TCF7L2: variants seen among roughly 807,000 people sequenced by gnomAD.
The protein encoded by TCF7L2 is transcription factor 7-like 2.
A neutral mutation model predicts 77.9 loss-of-function variants in TCF7L2; 23 were observed. The observed-to-expected ratio is 0.30, with a 90% CI of 0.21 to 0.42. The LOEUF (loss-of-function observed/expected upper bound fraction) is 0.42. Among genes scored for constraint, TCF7L2 ranks in the 10% least tolerant of loss-of-function variants. The probability of loss-of-function intolerance (pLI) is 1.00; values close to 1 mark genes in which losing one functional copy is unlikely to be tolerated. For synonymous variants in TCF7L2, 413 were observed against 340.2 expected (o/e 1.21, Z -2.36); for missense variants, 654 against 793.1 (o/e 0.82, Z 2.11).
chr10:113,000,376 G>A (rs890933694), intron 4 of TCF7L2, among the ~76,000 whole-genome samples: 7 of 152,162 alleles, frequency 4.6e-5, no homozygotes, highest in African/African-American at 9.7e-5. Context: ...AAGAAAAGAC[G>A]AGACCTGCCT....
At position 112,951,530 on chromosome 10, in the gene TCF7L2, G is replaced by C. The variant is rs778420494; in HGVS notation, c.304G>C (p.Gly102Arg). 2.1e-6 allele frequency: 3 copies of C among 1,428,642 alleles called. No individual in the cohort carries two copies. Among genetic ancestry groups the C allele is most frequent in the Non-Finnish European group, 2.8e-6 (3 of 1,068,246 alleles). The allele number at this position is 1,428,642 out of a possible 1,614,324, so 88.5% of individuals were successfully genotyped here. ...GCTCTTTAAGGGGCCACCGTATCCC[G>C]GCTACCCCTTCATCATGATCCCCGA... Residue 102 changes from glycine to arginine, a missense_variant, in exon 3 of 14, where the codon GGC (glycine) becomes CGC (arginine). Gly to Arg is a moderately radical substitution (Grantham distance 125, BLOSUM62 -2). Around this residue, in one of 6 missense-constraint regions of TCF7L2, gnomAD observed 132 missense variants for 123.7 expected, o/e 1.07. Transcript: ENST00000627217.
rs1216878382 is a variant in TCF7L2, at chr10:113,165,882, A to G, written c.1719A>G (p.Ala573=). The G allele has an allele frequency of 1.2e-6, 2 of 1,602,630 alleles. No individual in the cohort carries two copies. The highest frequency in any genetic ancestry group is 1.7e-6 in the Non-Finnish European group (2 of 1,173,974). ...CTGCCGCCCCCTCCTCATCAATTGC[A>G]CAGCCGTCGACTTCTTCCTTACATT... The change falls in exon 14 of 14, where the codon GCA becomes GCG. Residue 573 remains alanine (A), a synonymous_variant. Coordinates refer to ENST00000627217, the MANE Select transcript of TCF7L2 (RefSeq NM_001146274.2).
intron 5 of TCF7L2, among the ~76,000 whole-genome samples, chr10:113,056,234 G>A (rs1418821193): frequency 6.6e-6 from 1 of 152,238 alleles, no homozygotes; most frequent in African/African-American, 2.4e-5. Context: ...TATGAAGTAA[G>A]TGGCAGAGCC....
At position 112,951,235 on chromosome 10, in the gene TCF7L2, A is replaced by G; in HGVS notation, c.218A>G (p.Glu73Gly). The change falls in exon 2 of 14, where the codon GAA becomes GGA. Residue 73 changes from glutamate to glycine, a missense_variant. By Grantham distance (98) the Glu-to-Gly change is moderately conservative. Coordinates refer to ENST00000627217, the MANE Select transcript of TCF7L2 (RefSeq NM_001146274.2). ...GAAAGACGGCCTCCGCCTCGCTCCG[A>G]AAGTTTCCGAGACAAATCCCGGGAA... The G allele has an allele frequency of 6.3e-7, 1 of 1,577,790 alleles. No individual in the cohort carries two copies. Among genetic ancestry groups the G allele is most frequent in the Non-Finnish European group, 8.6e-7 (1 of 1,165,288 alleles).
At chr10:113,026,528 G>C (rs994888970) in intron 4 of TCF7L2, among the ~76,000 whole-genome samples, 3 of 152,194 alleles carry the variant, frequency 2.0e-5, no homozygotes, top group Non-Finnish European at 4.4e-5. Context: ...TGGTGAATCA[G>C]GGAGTTAGGT....
intron 4 of TCF7L2, among the ~76,000 whole-genome samples, chr10:113,000,230 C>T (rs2044232961): frequency 6.6e-6 from 1 of 152,176 alleles, no homozygotes; most frequent in African/African-American, 2.4e-5. Context: ...TTTACTCCAT[C>T]TGTGATGGGT....
chr10:112,969,141 C>T (rs1338332611), intron 4 of TCF7L2, among the ~76,000 whole-genome samples: 2 of 152,112 alleles, frequency 1.3e-5, no homozygotes, highest in South Asian at 4.1e-4. Context: ...TATTTGGCTT[C>T]TTCCTCTCTC....
At chr10:113,106,324 G>A (rs1193996762) in intron 5 of TCF7L2, among the ~76,000 whole-genome samples, 1 of 152,218 alleles carries the variant, frequency 6.6e-6, no homozygotes, top group Admixed American at 6.5e-5. Context: ...ACTGCTGTAA[G>A]ATCAAGCAAT....
At chr10:113,086,767 A>AT (rs1228122586) in intron 5 of TCF7L2, among the ~76,000 whole-genome samples, 3 of 109,328 alleles carry the variant, frequency 2.7e-5, no homozygotes, top group Non-Finnish European at 5.4e-5. Context: ...AAAGGAAAAA[A>AT]AAAAAAAAAC....
rs147615928 is a variant in TCF7L2 at position 113,052,861 on chromosome 10, A to G, written c.552+12735A>G. Among the ~76,000 whole-genome samples, 296 of 152,354 alleles carry G rather than the reference A, an allele frequency of 1.9e-3. 3 individuals are homozygous for G. Among genetic ancestry groups the G allele is most frequent in the African/African-American group, 6.2e-3 (258 of 41,582 alleles). The stretch of plus-strand genomic sequence containing the variant: ...CTCCCACCTTTCTATTAGACATTGC[A>G]TGATACAAAAATCAAGATATTTCTA... On this transcript the variant is annotated intron_variant, in intron 5 of 13. Coordinates refer to ENST00000627217, the MANE Select transcript of TCF7L2 (RefSeq NM_001146274.2).
intron 5 of TCF7L2, among the ~76,000 whole-genome samples, chr10:113,122,398 A>C (rs2064950984): frequency 6.6e-6 from 1 of 152,252 alleles, no homozygotes; most frequent in Non-Finnish European, 1.5e-5. Flanking sequence ...GATGATTAAA[A>C]AACTTGTTAG....
chr10:113,061,147 G>A (rs1288861994), intron 5 of TCF7L2, among the ~76,000 whole-genome samples: 1 of 151,536 alleles, frequency 6.6e-6, no homozygotes, highest in Non-Finnish European at 1.5e-5. Flanking sequence ...TCACCCCCCC[G>A]ACAAAAATCA....
At chr10:113,080,254 C>A (rs1302768561) in intron 5 of TCF7L2, among the ~76,000 whole-genome samples, 1 of 151,848 alleles carries the variant, frequency 6.6e-6, no homozygotes, top group Non-Finnish European at 1.5e-5. Context: ...ACCCCTTATG[C>A]CATGAAAACT....
At chr10:113,155,990 C>A (rs948418560) in intron 11 of TCF7L2, among the ~76,000 whole-genome samples, 2 of 152,254 alleles carry the variant, frequency 1.3e-5, no homozygotes, top group Non-Finnish European at 2.9e-5. Flanking sequence ...CCCTTCCCCT[C>A]ACAGAAAAGA....
At chr10:113,163,086 G>A (rs372219831) in intron 13 of TCF7L2, among the ~76,000 whole-genome samples, 4 of 151,716 alleles carry the variant, frequency 2.6e-5, no homozygotes, top group South Asian at 2.1e-4. Context: ...ATGTGTGTGC[G>A]TGCCAGCTGC....
At position 113,151,940 on chromosome 10, in the gene TCF7L2, G is replaced by A. The variant is rs887009514; in HGVS notation, c.1161+56G>A. On this transcript the variant is annotated intron_variant, in intron 10 of 13. Coordinates refer to ENST00000627217, the MANE Select transcript of TCF7L2 (RefSeq NM_001146274.2). The surrounding 1 kb of genome is among the most constrained non-coding windows in gnomAD (Gnocchi z 5.2). Reference sequence around the variant, plus strand: ...GGGGCGGGTGGTGAGGGACCAGAGTGCAGCAGGTCAGGTGGCAGAATGTCT... The same window carrying A: ...GGGGCGGGTGGTGAGGGACCAGAGTACAGCAGGTCAGGTGGCAGAATGTCT... 5 of 1,546,840 alleles carry A rather than the reference G, an allele frequency of 3.2e-6. No individual in the cohort carries two copies. Among genetic ancestry groups the A allele is most frequent in the African/African-American group, 1.4e-5 (1 of 72,164 alleles).
intron 7 of TCF7L2, among the ~76,000 whole-genome samples, 153 bp downstream of exon 7, chr10:113,144,178 G>A (rs921425294): frequency 4.0e-5 from 6 of 151,646 alleles, no homozygotes; most frequent in African/African-American, 1.5e-4. Flanking sequence ...AGGGGGCTGC[G>A]GGAGGGCACA....
chr10:113,084,922 AC>A (rs2059681995), intron 5 of TCF7L2, among the ~76,000 whole-genome samples: 1 of 151,412 alleles, frequency 6.6e-6, no homozygotes, highest in Admixed American at 6.6e-5. Flanking sequence ...AAAAAAAAAA[AC>A]AAAAAACCCT....
chr10:112,959,856 T>TA (rs555052747), intron 3 of TCF7L2, among the ~76,000 whole-genome samples: 12 of 151,902 alleles, frequency 7.9e-5, no homozygotes, highest in African/African-American at 1.9e-4. Context: ...TTAGGTATAC[T>TA]AAAAAAAAGT....
Sources: allele counts gnomAD v4.1 joint callset (sites outside exome capture counted in the v4.1 genomes callset), GRCh38; gene constraint gnomAD v4.1.1; regional missense constraint gnomAD v4.1.1; non-coding constraint Gnocchi (gnomAD v3.1); transcripts MANE v1.5; gene names NCBI Gene and HGNC (gene_info 2026-07-23, HGNC 2026-07-21).